The following FHOD3 variants were observed in gnomAD, a reference collection of about 807,000 sequenced individuals.
FHOD3 encodes FH1/FH2 domain-containing protein 3.
A neutral mutation model predicts 173.0 loss-of-function variants in FHOD3; 90 were observed. The ratio of observed to expected loss-of-function variants is 0.52; its 90% CI spans 0.44 to 0.62. FHOD3 has a LOEUF of 0.62. Ranked by LOEUF, FHOD3 falls within the 20% of genes least tolerant of loss-of-function variation. FHOD3 has a pLI of 0.00. For synonymous variants in FHOD3, 828 were observed against 823.0 expected (o/e 1.01, Z -0.10); for missense variants, 1,945 against 2,034.7 (o/e 0.96, Z 0.85).
chr18:36,650,209 T>G (rs1201205090), intron 11 of FHOD3, among the ~76,000 whole-genome samples: 1 of 144,696 alleles, frequency 6.9e-6, no homozygotes, highest in Non-Finnish European at 1.5e-5. Context: ...CATTTTTACT[T>G]TTTTTTTTTT....
chr18:36,560,768 A>G (rs1255652275), intron 5 of FHOD3, among the ~76,000 whole-genome samples: 1 of 151,022 alleles, frequency 6.6e-6, no homozygotes, highest in African/African-American at 2.4e-5. Flanking sequence ...ACAGCCTTGC[A>G]GTAGTTTTTC....
chr18:36,404,787 C>T (rs1234797158), intron 3 of FHOD3, among the ~76,000 whole-genome samples: 1 of 152,162 alleles, frequency 6.6e-6, no homozygotes, highest in Non-Finnish European at 1.5e-5. Context: ...CTGAGGGCTG[C>T]CATGCTTGCT....
chr18:36,740,654 A>G lies in FHOD3; in HGVS notation c.3577-2A>G. The G allele has an allele frequency of 6.2e-7, 1 of 1,612,380 alleles. No homozygotes were observed. Among genetic ancestry groups the G allele is most frequent in the Admixed American group, 1.7e-5 (1 of 59,776 alleles). ...ATATACTATATCATCTCCTATTTCC[A>G]GAAAATTCTAACGATGATTCCCACC... On this transcript the variant is annotated splice_acceptor_variant, in intron 20 of 28. Coordinates refer to ENST00000590592, the MANE Select transcript of FHOD3 (RefSeq NM_001281740.3). LOFTEE classifies it high-confidence loss of function.
chr18:36,608,085 C>T (rs1014728025), intron 8 of FHOD3, among the ~76,000 whole-genome samples: 1 of 152,192 alleles, frequency 6.6e-6, no homozygotes, highest in Admixed American at 6.5e-5. Context: ...CTACCTGTTA[C>T]CCAATTCCAA....
chr18:36,450,103 A>G (rs943362576), intron 3 of FHOD3, among the ~76,000 whole-genome samples: 1 of 152,126 alleles, frequency 6.6e-6, no homozygotes, highest in Non-Finnish European at 1.5e-5. Flanking sequence ...CCCAAAGTCC[A>G]TTGTATCATT....
chr18:36,575,982 A>G (rs1024253201), intron 5 of FHOD3, among the ~76,000 whole-genome samples: 2 of 152,242 alleles, frequency 1.3e-5, no homozygotes, highest in Non-Finnish European at 2.9e-5. Context: ...CTATTGGAAT[A>G]AAATTGGATT....
intron 3 of FHOD3, among the ~76,000 whole-genome samples, chr18:36,409,534 T>C (rs1281762377): frequency 3.3e-5 from 5 of 152,200 alleles, no homozygotes; most frequent in Non-Finnish European, 5.9e-5. Flanking sequence ...GTTGATTCAT[T>C]TCCCCCTCTA....
In FHOD3 at chr18:36,717,275, T is replaced by C. The variant is rs180847237; in HGVS notation, c.2534-557T>C. 3.6e-3 allele frequency among the ~76,000 whole-genome samples: 539 copies of C among 151,480 alleles called. 1 individual carries two copies. Among genetic ancestry groups the C allele is most frequent in the Non-Finnish European group, 5.9e-3 (403 of 67,846 alleles). On this transcript the variant is annotated intron_variant, in intron 18 of 28. Transcript: ENST00000590592. ...TATGGAAAGTCACCTTGGAGAGGAG[T>C]GGGTGAGATTGCCAGGCAGCATTCA...
At chr18:36,548,211 T>G (rs1599605437) in intron 5 of FHOD3, among the ~76,000 whole-genome samples, 1 of 152,254 alleles carries the variant, frequency 6.6e-6, no homozygotes, top group Non-Finnish European at 1.5e-5. Flanking sequence ...AAAAAAATTC[T>G]GTACATTCAC....
chr18:36,446,893 A>G (rs2051516765), intron 3 of FHOD3, among the ~76,000 whole-genome samples: 1 of 152,056 alleles, frequency 6.6e-6, no homozygotes, highest in Admixed American at 6.5e-5. Flanking sequence ...AAAAACTTCT[A>G]AAATGAATAA....
At position 36,640,172 on chromosome 18, in the gene FHOD3, C is replaced by T. The variant is rs116488417; in HGVS notation, c.1197-9144C>T. On this transcript the variant is annotated intron_variant, in intron 10 of 28. Coordinates refer to ENST00000590592, the MANE Select transcript of FHOD3 (RefSeq NM_001281740.3). The stretch of plus-strand genomic sequence containing the variant: ...TACTCCTCCTAAACTTTGCATGCTA[C>T]AGGGACAATAAATACTTTCCTGTCT... Among the ~76,000 whole-genome samples, 316 of 152,308 alleles carry T rather than the reference C, an allele frequency of 2.1e-3. 1 individual carries two copies. The highest frequency in any genetic ancestry group is 7.0e-3 in the African/African-American group (290 of 41,564).
At chr18:36,368,121 C>T (rs1568179446) in intron 2 of FHOD3, among the ~76,000 whole-genome samples, 1 of 152,124 alleles carries the variant, frequency 6.6e-6, no homozygotes, top group East Asian at 1.9e-4. Context: ...CTCTCTCTCT[C>T]ATCTATGTAA....
chr18:36,379,181 C>G (rs1459911588), intron 3 of FHOD3, among the ~76,000 whole-genome samples: 1 of 152,180 alleles, frequency 6.6e-6, no homozygotes, highest in Non-Finnish European at 1.5e-5. Context: ...AAAGAGGAGA[C>G]ACACACTTGT....
At chr18:36,525,373 G>A (rs1279650560) in intron 5 of FHOD3, among the ~76,000 whole-genome samples, 1 of 152,106 alleles carries the variant, frequency 6.6e-6, no homozygotes, top group Non-Finnish European at 1.5e-5. Context: ...AACCACATGA[G>A]CTTGGAAGAG....
intron 3 of FHOD3, among the ~76,000 whole-genome samples, chr18:36,459,815 T>C (rs1372670790): frequency 6.6e-6 from 1 of 152,246 alleles, no homozygotes; most frequent in Admixed American, 6.5e-5. Context: ...TCACAATTAA[T>C]GTTATCTAGA....
intron 3 of FHOD3, among the ~76,000 whole-genome samples, chr18:36,471,946 G>A (rs1013357883): frequency 6.6e-6 from 1 of 152,152 alleles, no homozygotes; most frequent in Non-Finnish European, 1.5e-5. Context: ...AATCCAGATG[G>A]AGAACCAATT....
At chr18:36,589,972 A>G (rs1232436450) in intron 6 of FHOD3, among the ~76,000 whole-genome samples, 1 of 152,180 alleles carries the variant, frequency 6.6e-6, no homozygotes, top group Non-Finnish European at 1.5e-5. Context: ...GCTGGAAATC[A>G]GAAAGTTCAG....
chr18:36,450,331 G>C (rs1038648810), intron 3 of FHOD3, among the ~76,000 whole-genome samples: 1 of 152,202 alleles, frequency 6.6e-6, no homozygotes, highest in Non-Finnish European at 1.5e-5. Flanking sequence ...TGGTGGGAAG[G>C]AGAAGACTAG....
chr18:36,557,258 ATCT>A (rs1030959096), intron 5 of FHOD3, among the ~76,000 whole-genome samples: 14 of 152,036 alleles, frequency 9.2e-5, no homozygotes, highest in Admixed American at 9.2e-4. Context: ...CACCTCCTTC[ATCT>A]TCTCTCTGTC....
Sources: allele counts gnomAD v4.1 joint callset (sites outside exome capture counted in the v4.1 genomes callset), GRCh38; gene constraint gnomAD v4.1.1; transcripts MANE v1.5; gene names NCBI Gene and HGNC (gene_info 2026-07-23, HGNC 2026-07-21).